The following GALNTL6 variants were observed in gnomAD, a reference collection of about 807,000 sequenced individuals.
The protein encoded by GALNTL6 is polypeptide N-acetylgalactosaminyltransferase-like 6.
GALNTL6 carries 46 observed loss-of-function variants against 73.7 expected under a neutral mutation model. That is an observed-to-expected ratio of 0.62 (90% confidence interval 0.49 to 0.80). The LOEUF (loss-of-function observed/expected upper bound fraction) is 0.80. GALNTL6 is among the 30% of genes least tolerant of loss of function. The pLI, the probability that GALNTL6 is intolerant of heterozygous loss-of-function variation, is 0.00. For synonymous variants in GALNTL6, 259 were observed against 263.7 expected (o/e 0.98, Z 0.17); for missense variants, 604 against 755.0 (o/e 0.80, Z 2.34).
At chr4:172,516,319 T>C (rs1426979064) in intron 5 of GALNTL6, among the ~76,000 whole-genome samples, 1 of 152,190 alleles carries the variant, frequency 6.6e-6, no homozygotes, top group Non-Finnish European at 1.5e-5. Context: ...AGCTACCTAT[T>C]TGAGCTACAG....
chr4:172,424,993 A>C (rs1408090788), intron 5 of GALNTL6, among the ~76,000 whole-genome samples: 2 of 152,102 alleles, frequency 1.3e-5, no homozygotes, highest in Non-Finnish European at 2.9e-5. Flanking sequence ...TAAAACTCCC[A>C]ACATTATTAT....
At position 172,304,302 on chromosome 4, in the gene GALNTL6, T is replaced by C. The variant is rs55696763; in HGVS notation, c.248-7312T>C. Among the ~76,000 whole-genome samples the C allele has an allele frequency of 6.6e-3, 1,008 of 152,346 alleles. 5 individuals are homozygous for C. The highest frequency in any genetic ancestry group is 0.012 in the South Asian group (57 of 4,834). On this transcript the variant is annotated intron_variant, in intron 3 of 12. Transcript: ENST00000506823. ...CCTGTTATGTGGCAGTCACTCTTGTTGCTGCTGGAGACATTACGATGAAGA... is the reference window on the plus strand; with the variant it reads ...CCTGTTATGTGGCAGTCACTCTTGTCGCTGCTGGAGACATTACGATGAAGA...
chr4:172,589,060 A>T (rs1442421405), intron 5 of GALNTL6, among the ~76,000 whole-genome samples: 1 of 152,186 alleles, frequency 6.6e-6, no homozygotes, highest in Non-Finnish European at 1.5e-5. Flanking sequence ...CTAATTTGTA[A>T]AAGTTAAACA....
chr4:172,797,839 G>A (rs953210310), intron 5 of GALNTL6, among the ~76,000 whole-genome samples: 2 of 152,032 alleles, frequency 1.3e-5, no homozygotes, highest in African/African-American at 2.4e-5. Flanking sequence ...ACACCTGGCC[G>A]TTTTTGTTTG....
intron 5 of GALNTL6, among the ~76,000 whole-genome samples, chr4:172,398,374 G>T (rs1178380386): frequency 6.6e-6 from 1 of 152,082 alleles, no homozygotes; most frequent in Non-Finnish European, 1.5e-5. Context: ...ATATTAAATG[G>T]CATTTATGAA....
intron 12 of GALNTL6, among the ~76,000 whole-genome samples, chr4:173,035,809 A>G (rs1753674279): frequency 6.6e-6 from 1 of 152,170 alleles, no homozygotes; most frequent in African/African-American, 2.4e-5. Context: ...TAACTTTTGA[A>G]AATTCTATTT....
chr4:172,163,282 A>C (rs929667056), intron 2 of GALNTL6, among the ~76,000 whole-genome samples: 1 of 152,018 alleles, frequency 6.6e-6, no homozygotes, highest in African/African-American at 2.4e-5. Flanking sequence ...AACATTTACC[A>C]TATTTTTATA....
chr4:172,955,481 A>T (rs1749670341), intron 10 of GALNTL6, among the ~76,000 whole-genome samples: 1 of 152,112 alleles, frequency 6.6e-6, no homozygotes, highest in South Asian at 2.1e-4. Flanking sequence ...AGGATAAAAA[A>T]TTATTAAAAG....
intron 2 of GALNTL6, among the ~76,000 whole-genome samples, chr4:172,174,715 G>A (rs1222536896): frequency 6.6e-6 from 1 of 151,434 alleles, no homozygotes. Flanking sequence ...AAACATGTGT[G>A]GATCCCTTCA....
rs188289110 is a variant in GALNTL6, at chr4:172,226,931, T to C, written c.139-2725T>C. ...CTTTTCTTAAAGTTCTTTGAGAAAA[T>C]TAAATTTAGAGTTTTTGAAGCTTTT... On this transcript the variant is annotated intron_variant, in intron 2 of 12. Coordinates refer to ENST00000506823, the MANE Select transcript of GALNTL6 (RefSeq NM_001034845.3). Among the ~76,000 whole-genome samples, 336 of 152,260 alleles carry C rather than the reference T, an allele frequency of 2.2e-3. 1 individual carries two copies. Among genetic ancestry groups the C allele is most frequent in the Middle Eastern group, 6.8e-3 (2 of 294 alleles).
At chr4:172,361,416 G>A (rs547673815) in intron 5 of GALNTL6, among the ~76,000 whole-genome samples, 109 of 152,118 alleles carry the variant, frequency 7.2e-4, no homozygotes, top group African/African-American at 2.3e-3. Context: ...AGTCCTACAA[G>A]GGAGCTGAAG....
intron 3 of GALNTL6, among the ~76,000 whole-genome samples, chr4:172,290,872 A>C (rs947717430): frequency 1.3e-5 from 2 of 152,012 alleles, no homozygotes; most frequent in Admixed American, 6.6e-5. Context: ...AACCCAAATT[A>C]AGAAAACCCA....
At chr4:172,533,228 G>T (rs1354940189) in intron 5 of GALNTL6, among the ~76,000 whole-genome samples, 1 of 149,724 alleles carries the variant, frequency 6.7e-6, no homozygotes, top group African/African-American at 2.5e-5. Context: ...GGCCAGGCTG[G>T]TCTTGAACTC....
intron 2 of GALNTL6, among the ~76,000 whole-genome samples, chr4:171,849,935 C>T (rs1284083444): frequency 3.3e-5 from 5 of 152,166 alleles, no homozygotes; most frequent in Admixed American, 6.5e-5. Context: ...AATAAATGTG[C>T]ATGTTGCATA....
At chr4:172,942,621 T>C (rs1459151) in intron 9 of GALNTL6, among the ~76,000 whole-genome samples, 41,838 of 152,040 alleles carry the variant, frequency 0.28, 6,697 homozygotes, top group South Asian at 0.42. Context: ...CGCATATGCT[T>C]GTGCACCCAC....
chr4:172,176,824 G>T (rs1735018276), intron 2 of GALNTL6, among the ~76,000 whole-genome samples: 1 of 152,036 alleles, frequency 6.6e-6, no homozygotes. Flanking sequence ...CCATTTTCAT[G>T]TTGTTATGAA....
At chr4:172,581,454 G>A (rs952385978) in intron 5 of GALNTL6, among the ~76,000 whole-genome samples, 4 of 152,132 alleles carry the variant, frequency 2.6e-5, no homozygotes, top group Admixed American at 2.0e-4. Flanking sequence ...GCCTGCCCTT[G>A]TTACTCCCCA....
chr4:172,030,767 G>A (rs975589160), intron 2 of GALNTL6, among the ~76,000 whole-genome samples: 1 of 151,266 alleles, frequency 6.6e-6, no homozygotes, highest in Non-Finnish European at 1.5e-5. Context: ...TATTATATAT[G>A]TATGTATATA....
chr4:171,903,014 GCAGT>G (rs1381430977), intron 2 of GALNTL6, among the ~76,000 whole-genome samples: 5 of 152,104 alleles, frequency 3.3e-5, no homozygotes, highest in South Asian at 2.1e-4. Flanking sequence ...AGCTATTCAT[GCAGT>G]CAAAGACGAA....
Sources: gnomAD v4.1 joint callset for allele counts (sites outside exome capture counted in the v4.1 genomes callset) on GRCh38, gnomAD v4.1.1 for gene constraint, MANE v1.5 for transcripts, NCBI Gene and HGNC (gene_info 2026-07-23, HGNC 2026-07-21) for gene names.